The following FBXL2 variants were observed in gnomAD, a reference collection of about 807,000 sequenced individuals.
FBXL2 encodes the protein F-box/LRR-repeat protein 2.
A neutral mutation model predicts 69.2 loss-of-function variants in FBXL2; 38 were observed. That is an observed-to-expected ratio of 0.55 (90% CI 0.42 to 0.72). The LOEUF (loss-of-function observed/expected upper bound fraction) is 0.72. FBXL2 is among the 30% of genes least tolerant of loss of function. FBXL2 has a pLI of 0.00. For missense variants in FBXL2, 354 were observed against 520.3 expected (o/e 0.68, Z 3.11); for synonymous variants, 192 against 201.3 (o/e 0.95, Z 0.39).
At chr3:33,357,820 C>T (rs984385368) in intron 2 of FBXL2, among the ~76,000 whole-genome samples, 7 of 152,174 alleles carry the variant, frequency 4.6e-5, no homozygotes, top group East Asian at 1.9e-4. Context: ...TGAGCCACCG[C>T]GCCCAGCCAA....
At chr3:33,394,305 C>T (rs532814458) in intron 12 of FBXL2, among the ~76,000 whole-genome samples, 15 of 151,912 alleles carry the variant, frequency 9.9e-5, no homozygotes, top group African/African-American at 3.1e-4. Context: ...TTAGGCCTCC[C>T]AAAGTGCTGG....
At chr3:33,402,443 G>A (rs2044263775) in intron 12 of FBXL2, among the ~76,000 whole-genome samples, 1 of 152,158 alleles carries the variant, frequency 6.6e-6, no homozygotes, top group African/African-American at 2.4e-5. Context: ...AAGCATTACA[G>A]ACAAGTGAAT....
chr3:33,382,590 T>C (rs1354400968), intron 13 of FBXL2: 1 of 150,968 alleles, frequency 6.6e-6, no homozygotes, highest in Non-Finnish European at 1.5e-5. Context: ...ATTTATCCTT[T>C]CTCTACTTTT....
At chr3:33,282,762 C>T (rs1044915923) in intron 1 of FBXL2, among the ~76,000 whole-genome samples, 5 of 152,204 alleles carry the variant, frequency 3.3e-5, no homozygotes, top group Admixed American at 1.3e-4. Flanking sequence ...AGTTCCTTCA[C>T]ATCCCTTGTA....
chr3:33,416,470 T>C, the FBXL2 span, among the ~76,000 whole-genome samples: 35 of 152,342 alleles, frequency 2.3e-4, 1 homozygote, highest in Admixed American at 5.2e-4. Flanking sequence ...TTCCCCATAT[T>C]ATCTTTTACT....
downstream of FBXL2, among the ~76,000 whole-genome samples, chr3:33,407,599 G>A (rs936237431): frequency 6.6e-6 from 1 of 150,902 alleles, no homozygotes; most frequent in South Asian, 2.1e-4. Flanking sequence ...TGCTTCCAGT[G>A]GCACTAGGAT....
At chr3:33,378,540 T>G in intron 12 of FBXL2, 145 bp from the exon 13 acceptor site, 1 of 735,378 alleles carries the variant, frequency 1.4e-6, no homozygotes, top group Non-Finnish European at 2.2e-6. Flanking sequence ...AGAGTGCTGG[T>G]GAAGAGAGGA....
rs552327743 is a variant in FBXL2 at position 33,395,526 on chromosome 3, C to T, written n.1215-7708C>T. Among the ~76,000 whole-genome samples the T allele has an allele frequency of 5.3e-5, 8 of 151,770 alleles. No homozygotes were observed. The South Asian group carries it at 1.5e-3, about 28-fold the overall frequency. On this transcript the variant is annotated intron_variant and non_coding_transcript_variant, in intron 12 of 12. Transcript: ENST00000463736. The stretch of plus-strand genomic sequence containing the variant: ...TCTCTGTCCTAATCCAGCACTATAC[C>T]GTACAATTAAATGCTCAGGATGAGA...
chr3:33,408,447 T>C (rs1409826552), downstream of FBXL2, among the ~76,000 whole-genome samples: 1 of 152,110 alleles, frequency 6.6e-6, no homozygotes, highest in Non-Finnish European at 1.5e-5. Context: ...TGAGTGTCTT[T>C]TTTTCCCTCC....
At chr3:33,308,838 T>C (rs2036938396) in intron 2 of FBXL2, among the ~76,000 whole-genome samples, 1 of 152,222 alleles carries the variant, frequency 6.6e-6, no homozygotes, top group South Asian at 2.1e-4. Context: ...TCCTCTTAAT[T>C]TCTTCTTTGA....
chr3:33,358,764 T>C (rs2041399628), intron 2 of FBXL2, among the ~76,000 whole-genome samples: 1 of 152,248 alleles, frequency 6.6e-6, no homozygotes. Context: ...TTGTATTGTG[T>C]GTCCAAAATA....
the FBXL2 span, chr3:33,408,669 A>T: frequency 6.3e-7 from 1 of 1,597,260 alleles, no homozygotes; most frequent in Non-Finnish European, 8.5e-7. Flanking sequence ...CACAATGAAA[A>T]GAGAAGCAGA....
chr3:33,278,456 G>C (rs1236596925), intron 1 of FBXL2: 1 of 152,286 alleles, frequency 6.6e-6, no homozygotes, highest in African/African-American at 2.4e-5. Context: ...GAGTAATTAA[G>C]TGGAGATTTT....
chr3:33,400,628 T>C (rs1205628263), intron 12 of FBXL2, among the ~76,000 whole-genome samples: 2 of 151,854 alleles, frequency 1.3e-5, no homozygotes, highest in African/African-American at 2.4e-5. Context: ...TTTGAACACA[T>C]GAAGGGAGAG....
chr3:33,396,917 T>G, intron 12 of FBXL2: 1 of 839,180 alleles, frequency 1.2e-6, no homozygotes, highest in Non-Finnish European at 2.0e-6. Context: ...GTGAGCACAA[T>G]GCTGCCAATG....
At chr3:33,343,433 T>C (rs1464071978) in intron 2 of FBXL2, among the ~76,000 whole-genome samples, 1 of 152,068 alleles carries the variant, frequency 6.6e-6, no homozygotes, top group Non-Finnish European at 1.5e-5. Context: ...TAAAAAACTT[T>C]AAAAACTACA....
chr3:33,411,943 T>C, the FBXL2 span, among the ~76,000 whole-genome samples: 1 of 152,056 alleles, frequency 6.6e-6, no homozygotes, highest in Non-Finnish European at 1.5e-5. Context: ...TCCCAGCACT[T>C]TGGGAGGCCA....
chr3:33,293,800 C>G (rs1196681275), intron 1 of FBXL2, among the ~76,000 whole-genome samples: 1 of 152,168 alleles, frequency 6.6e-6, no homozygotes, highest in Non-Finnish European at 1.5e-5. Flanking sequence ...CAGTACCATA[C>G]TTTCAATAAT....
chr3:33,322,170 C>T (rs981845109), intron 2 of FBXL2, among the ~76,000 whole-genome samples: 13 of 145,796 alleles, frequency 8.9e-5, no homozygotes, highest in South Asian at 2.2e-4. Context: ...CTCTGCCTCC[C>T]GGGTTCACAG....
Sources: allele counts gnomAD v4.1 joint callset (sites outside exome capture counted in the v4.1 genomes callset), GRCh38; gene constraint gnomAD v4.1.1; transcripts MANE v1.5; gene names NCBI Gene and HGNC (gene_info 2026-07-23, HGNC 2026-07-21).